Variants in TMEM232 observed in about 807,000 individuals in gnomAD.
The protein encoded by TMEM232 is transmembrane protein 232.
Under a neutral mutation model 78.8 loss-of-function variants are expected in TMEM232, and 80 were observed. That is an observed-to-expected ratio of 1.01 (90% CI 0.85 to 1.22). The LOEUF (loss-of-function observed/expected upper bound fraction) is 1.22. TMEM232 is among the 50% of genes most tolerant of loss of function. TMEM232 has a pLI of 0.00. For synonymous variants in TMEM232, 297 were observed against 254.3 expected, an observed-to-expected ratio of 1.17 and a Z score of -1.60; for missense variants, 881 against 742.2, an observed-to-expected ratio of 1.19 and a Z score of -2.17.
intron 12 of TMEM232, among the ~76,000 whole-genome samples, chr5:110,457,794 A>G (rs1761059496): frequency 6.6e-6 from 1 of 152,114 alleles, no homozygotes; most frequent in East Asian, 1.9e-4. Flanking sequence ...GAATGCAAAT[A>G]AGATTTTCTG....
intron 8 of TMEM232, among the ~76,000 whole-genome samples, chr5:110,616,810 G>A (rs2149884411): frequency 6.6e-6 from 1 of 152,242 alleles, no homozygotes; most frequent in African/African-American, 2.4e-5. Context: ...GATAACAGAT[G>A]TTGATGAGGA....
intron 1 of TMEM232, among the ~76,000 whole-genome samples, chr5:110,688,997 C>T (rs1486022739): frequency 6.6e-6 from 1 of 152,100 alleles, no homozygotes; most frequent in African/African-American, 2.4e-5. Flanking sequence ...AATGAAGATT[C>T]CCCCCATTTT....
intron 12 of TMEM232, among the ~76,000 whole-genome samples, chr5:110,444,579 T>A (rs1293454299): frequency 6.6e-6 from 1 of 152,212 alleles, no homozygotes; most frequent in East Asian, 1.9e-4. Flanking sequence ...AACTTTGGTG[T>A]TCCTGTGGGG....
chr5:110,408,119 G>T (rs1229032237), intron 2 of TMEM232, among the ~76,000 whole-genome samples: 2 of 151,882 alleles, frequency 1.3e-5, no homozygotes, highest in African/African-American at 2.4e-5. Flanking sequence ...TTGTATCTAT[G>T]GGATACAACT....
chr5:110,473,521 G>T (rs186083955), intron 12 of TMEM232, among the ~76,000 whole-genome samples: 1 of 151,164 alleles, frequency 6.6e-6, no homozygotes, highest in African/African-American at 2.4e-5. Context: ...ATATTATGGA[G>T]GTTTCTAAAA....
intron 1 of TMEM232, among the ~76,000 whole-genome samples, chr5:110,685,846 A>T (rs746895985): frequency 6.6e-6 from 1 of 152,146 alleles, no homozygotes; most frequent in Non-Finnish European, 1.5e-5. Context: ...AAGCAACGAC[A>T]TGCATAAATC....
intron 1 of TMEM232, among the ~76,000 whole-genome samples, chr5:110,677,738 T>G (rs1044938163): frequency 2.0e-5 from 3 of 152,194 alleles, no homozygotes; most frequent in African/African-American, 2.4e-5. Flanking sequence ...TGACATTAAA[T>G]TTTGAAAATA....
At chr5:110,722,771 A>G (rs1797775245) in intron 1 of TMEM232, among the ~76,000 whole-genome samples, 1 of 152,220 alleles carries the variant, frequency 6.6e-6, no homozygotes, top group Non-Finnish European at 1.5e-5. Context: ...GGAGCATCTT[A>G]GAGGCTGGCT....
chr5:110,506,180 T>A (rs756677132), intron 12 of TMEM232, among the ~76,000 whole-genome samples: 1 of 152,208 alleles, frequency 6.6e-6, no homozygotes, highest in Non-Finnish European at 1.5e-5. Context: ...ACCTTACGGA[T>A]AAAAGTGGAT....
chr5:110,444,940 G>A (rs1759482894), intron 12 of TMEM232, among the ~76,000 whole-genome samples: 2 of 151,200 alleles, frequency 1.3e-5, no homozygotes, highest in African/African-American at 2.4e-5. Context: ...TTACTTGCTG[G>A]GAAATTTCTT....
At chr5:110,668,838 T>A (rs1790962349) in intron 1 of TMEM232, among the ~76,000 whole-genome samples, 1 of 152,096 alleles carries the variant, frequency 6.6e-6, no homozygotes, top group Non-Finnish European at 1.5e-5. Flanking sequence ...TCAGAACCGC[T>A]CAACTGCCTG....
Position 110,593,941 on chromosome 5 carries a change from T to C in TMEM232, c.1276+11168A>G, listed in dbSNP as rs149669067. The stretch of plus-strand genomic sequence containing the variant: ...ATATCCCACATACCTGATAAATATA[T>C]ACACCTACTATGTATACTCAAAAGT... On this transcript the variant is annotated intron_variant, in intron 10 of 13. Transcript: ENST00000455884. 4.6e-5 allele frequency among the ~76,000 whole-genome samples: 7 copies of C among 152,170 alleles called. No individual in the cohort carries two copies. In the East Asian group the frequency reaches 1.2e-3, roughly 25 times the overall value.
intron 3 of TMEM232, among the ~76,000 whole-genome samples, chr5:110,393,781 A>AC (rs1157191790): frequency 6.6e-6 from 1 of 151,874 alleles, no homozygotes; most frequent in Admixed American, 6.6e-5. Context: ...ACATGGTGAA[A>AC]CCCCATCTCT....
chr5:110,538,892 A>G (rs1007426941), intron 11 of TMEM232, among the ~76,000 whole-genome samples: 1 of 151,958 alleles, frequency 6.6e-6, no homozygotes, highest in African/African-American at 2.4e-5. Flanking sequence ...GTTCATGACC[A>G]TTACAGGAAT....
intron 12 of TMEM232, among the ~76,000 whole-genome samples, chr5:110,513,132 T>C (rs1055849371): frequency 1.3e-5 from 2 of 152,176 alleles, no homozygotes; most frequent in African/African-American, 4.8e-5. Flanking sequence ...AACAGATAGA[T>C]AGATAGAAAT....
intron 2 of TMEM232, among the ~76,000 whole-genome samples, chr5:110,398,363 A>G (rs116063092): frequency 0.013 from 2,054 of 152,268 alleles, 35 homozygotes; most frequent in Non-Finnish European, 0.019. Flanking sequence ...AATAAAGGAC[A>G]ATGGCTCCTA....
chr5:110,522,559 G>A (rs1769703377), intron 12 of TMEM232, among the ~76,000 whole-genome samples: 1 of 152,012 alleles, frequency 6.6e-6, no homozygotes, highest in Non-Finnish European at 1.5e-5. Context: ...TACATATATG[G>A]CCTTTATTAT....
At chr5:110,639,426 A>G (rs1786357400) in intron 4 of TMEM232, among the ~76,000 whole-genome samples, 1 of 152,182 alleles carries the variant, frequency 6.6e-6, no homozygotes, top group African/African-American at 2.4e-5. Flanking sequence ...TTATTTCACA[A>G]GATTAGAATT....
intron 12 of TMEM232, among the ~76,000 whole-genome samples, chr5:110,502,379 TAGA>T (rs1490522853): frequency 3.3e-5 from 5 of 152,186 alleles, no homozygotes; most frequent in African/African-American, 9.7e-5. Flanking sequence ...AGTCACTGAG[TAGA>T]AGGACAAGTT....
Sources: allele counts gnomAD v4.1 joint callset (sites outside exome capture counted in the v4.1 genomes callset), GRCh38; gene constraint gnomAD v4.1.1; transcripts MANE v1.5; gene names NCBI Gene and HGNC (gene_info 2026-07-23, HGNC 2026-07-21).